The following SLC44A1 variants were observed in gnomAD, a reference collection of about 807,000 sequenced individuals.
SLC44A1 encodes choline transporter-like protein 1.
A neutral mutation model predicts 79.3 loss-of-function variants in SLC44A1; 26 were observed. That is an observed-to-expected ratio of 0.33 (90% CI 0.24 to 0.46). The LOEUF (loss-of-function observed/expected upper bound fraction) is 0.46, where lower values mean the gene tolerates loss of function less well. SLC44A1 is among the 20% of genes least tolerant of loss of function. SLC44A1 has a pLI of 1.00. For synonymous variants in SLC44A1, 263 were observed against 286.2 expected (o/e 0.92, Z 0.82); for missense variants, 688 against 798.1 (o/e 0.86, Z 1.66).
intron 2 of SLC44A1, among the ~76,000 whole-genome samples, chr9:105,304,944 GTTTTTTTTTTTTTTT>G (rs10589897): frequency 1.7e-3 from 34 of 20,058 alleles, no homozygotes; most frequent in East Asian, 3.9e-3. Context: ...ACTTTCTATC[GTTTTTTTTTTTTTTT>G]TTTTTTTTTT....
chr9:105,358,736 C>T (rs1827695583), intron 7 of SLC44A1, among the ~76,000 whole-genome samples: 1 of 152,100 alleles, frequency 6.6e-6, no homozygotes, highest in South Asian at 2.1e-4. Flanking sequence ...ATCATCTTCA[C>T]TGGTATGTTT....
chr9:105,292,910 C>T (rs1275793111), intron 1 of SLC44A1, among the ~76,000 whole-genome samples: 2 of 152,152 alleles, frequency 1.3e-5, no homozygotes, highest in Non-Finnish European at 2.9e-5. Flanking sequence ...TGGTGGCTCA[C>T]GCCTATAATC....
At chr9:105,363,288 G>C (rs1010214650) in intron 9 of SLC44A1, among the ~76,000 whole-genome samples, 1 of 151,910 alleles carries the variant, frequency 6.6e-6, no homozygotes. Context: ...TCAGCCTCCT[G>C]AGTAGCTGGG....
chr9:105,255,999 A>T (rs886710305), intron 1 of SLC44A1, among the ~76,000 whole-genome samples: 3 of 152,122 alleles, frequency 2.0e-5, no homozygotes, highest in Non-Finnish European at 4.4e-5. Flanking sequence ...TTGGAAAGGT[A>T]CCCTGACTTC....
At chr9:105,257,724 G>T (rs989601161) in intron 1 of SLC44A1, among the ~76,000 whole-genome samples, 2 of 152,236 alleles carry the variant, frequency 1.3e-5, no homozygotes, top group Admixed American at 6.5e-5. Flanking sequence ...TAGAAAAAGT[G>T]AAGGGCAGAC....
intron 13 of SLC44A1, among the ~76,000 whole-genome samples, chr9:105,381,069 A>G (rs1828448504): frequency 6.6e-6 from 1 of 152,184 alleles, no homozygotes; most frequent in African/African-American, 2.4e-5. Context: ...CTCAGCGTCT[A>G]GTTTGTTTGA....
intron 3 of SLC44A1, among the ~76,000 whole-genome samples, chr9:105,314,691 C>G (rs1349058882): frequency 6.6e-6 from 1 of 152,156 alleles, no homozygotes; most frequent in Non-Finnish European, 1.5e-5. Context: ...TTGTAAAGAA[C>G]TAGAGGTCTG....
chr9:105,384,409 G>T (rs901390064), intron 14 of SLC44A1, among the ~76,000 whole-genome samples: 1 of 152,084 alleles, frequency 6.6e-6, no homozygotes, highest in Non-Finnish European at 1.5e-5. Flanking sequence ...TTGAACTCCT[G>T]TCCTCAGGTG....
intron 15 of SLC44A1, among the ~76,000 whole-genome samples, chr9:105,432,385 G>A (rs1229949081): frequency 6.6e-6 from 1 of 152,158 alleles, no homozygotes; most frequent in Non-Finnish European, 1.5e-5. Flanking sequence ...TGTGTATAAC[G>A]GAATGTTTGG....
chr9:105,341,616 T>C (rs1313820922), intron 4 of SLC44A1, among the ~76,000 whole-genome samples: 2 of 152,190 alleles, frequency 1.3e-5, no homozygotes, highest in African/African-American at 4.8e-5. Context: ...CATCTAGGAA[T>C]ATCCAGGCCC....
intron 1 of SLC44A1, among the ~76,000 whole-genome samples, chr9:105,251,493 A>G (rs921525615): frequency 6.6e-6 from 1 of 152,022 alleles, no homozygotes; most frequent in Admixed American, 6.6e-5. Context: ...TCCCAAGCTA[A>G]TTGTGTTCCT....
intron 7 of SLC44A1, among the ~76,000 whole-genome samples, chr9:105,359,700 CAT>C (rs761790194): frequency 3.9e-5 from 6 of 152,038 alleles, no homozygotes; most frequent in Non-Finnish European, 5.9e-5. Context: ...ATGTAGGAAA[CAT>C]ATTTTCTTCC....
At chr9:105,412,614 T>A (rs1416317690) in intron 15 of SLC44A1, among the ~76,000 whole-genome samples, 1 of 152,110 alleles carries the variant, frequency 6.6e-6, no homozygotes, top group African/African-American at 2.4e-5. Flanking sequence ...ATTACTTTTT[T>A]TTTTTGAGAT....
chr9:105,341,510 CT>C (rs777684639), intron 4 of SLC44A1, among the ~76,000 whole-genome samples: 57 of 151,950 alleles, frequency 3.8e-4, no homozygotes, highest in Admixed American at 2.9e-3. Flanking sequence ...TAAAAATTGC[CT>C]TTAAAAAATT....
At chr9:105,362,370 C>T (rs1266948853) in intron 8 of SLC44A1, among the ~76,000 whole-genome samples, 1 of 152,048 alleles carries the variant, frequency 6.6e-6, no homozygotes, top group Non-Finnish European at 1.5e-5. Context: ...TTTGCTGTGC[C>T]AGCTGCTGAA....
chr9:105,335,531 G>A (rs2131359056), intron 3 of SLC44A1, 32 bp from the exon 4 acceptor site: 1 of 1,587,584 alleles, frequency 6.3e-7, no homozygotes, highest in Non-Finnish European at 8.6e-7. Context: ...GTTTTGTGAA[G>A]TAATATCTCA....
chr9:105,354,515 C>T (rs879648821), intron 5 of SLC44A1, among the ~76,000 whole-genome samples: 2 of 152,108 alleles, frequency 1.3e-5, no homozygotes, highest in Non-Finnish European at 2.9e-5. Flanking sequence ...CTGTGGCTTC[C>T]TGCGCTTTCT....
At chr9:105,250,258 C>T (rs1184035269) in intron 1 of SLC44A1, among the ~76,000 whole-genome samples, 1 of 152,122 alleles carries the variant, frequency 6.6e-6, no homozygotes, top group Non-Finnish European at 1.5e-5. Flanking sequence ...TTTCACACCA[C>T]CATTTTGAAC....
intron 1 of SLC44A1, among the ~76,000 whole-genome samples, chr9:105,275,881 T>G (rs764368956): frequency 5.9e-5 from 9 of 151,654 alleles, no homozygotes; most frequent in Non-Finnish European, 8.8e-5. Flanking sequence ...CTCAGCTCAC[T>G]GCAATCTCCG....
Sources: gnomAD v4.1 joint callset for allele counts (sites outside exome capture counted in the v4.1 genomes callset) on GRCh38, gnomAD v4.1.1 for gene constraint, MANE v1.5 for transcripts, NCBI Gene and HGNC (gene_info 2026-07-23, HGNC 2026-07-21) for gene names.